The following DHX35 variants were observed in gnomAD, a reference collection of about 807,000 sequenced individuals.
DHX35 encodes the protein probable ATP-dependent RNA helicase DHX35.
DHX35 carries 84 observed loss-of-function variants against 99.6 expected under a neutral mutation model. The ratio of observed to expected loss-of-function variants is 0.84; its 90% CI spans 0.71 to 1.01. The LOEUF (loss-of-function observed/expected upper bound fraction) is 1.01, where lower values mean the gene tolerates loss of function less well. Among genes scored for constraint, DHX35 ranks in the 50% least tolerant of loss-of-function variants. The pLI is 0.00. For missense variants in DHX35, 852 were observed against 888.5 expected, an observed-to-expected ratio of 0.96 and a Z score of 0.52; for synonymous variants, 331 against 316.2, an observed-to-expected ratio of 1.05 and a Z score of -0.50.
rs533867812 is a variant in DHX35, at chr20:39,010,187, G to C, written c.1223-93G>C. 83 of 1,572,690 alleles carry C rather than the reference G, an allele frequency of 5.3e-5. No homozygotes were observed. The South Asian group carries it at 8.9e-4, about 17-fold the overall frequency. On this transcript the variant is annotated intron_variant, in intron 12 of 21. Transcript: ENST00000252011. ...TGCTTCTAGAATCCTAGAGACCCTTGTTCAAGATAGAGAAGAAAATTTGTC... is the reference window on the plus strand; with the variant it reads ...TGCTTCTAGAATCCTAGAGACCCTTCTTCAAGATAGAGAAGAAAATTTGTC...
chr20:39,011,377 C>T (rs1163083068), intron 13 of DHX35, among the ~76,000 whole-genome samples: 1 of 151,948 alleles, frequency 6.6e-6, no homozygotes, highest in East Asian at 1.9e-4. Flanking sequence ...ACTCTGTAGC[C>T]CAGGCTGGAG....
At chr20:39,012,121 G>C (rs1339362738) in intron 13 of DHX35, among the ~76,000 whole-genome samples, 1 of 152,082 alleles carries the variant, frequency 6.6e-6, no homozygotes, top group African/African-American at 2.4e-5. Flanking sequence ...GGTGGCATGC[G>C]CCTGTAGTCC....
chr20:39,030,403 AAAGAGCACCTGC>A, intron 19 of DHX35: 1 of 344,750 alleles, frequency 2.9e-6, no homozygotes, highest in Non-Finnish European at 5.3e-6. Context: ...AATTGTTTTG[AAAGAGCACCTGC>A]AGAAGATACA....
At chr20:38,987,969 G>A (rs1167357387) in intron 4 of DHX35, among the ~76,000 whole-genome samples, 2 of 152,076 alleles carry the variant, frequency 1.3e-5, no homozygotes, top group African/African-American at 4.8e-5. Flanking sequence ...AATGAAACTG[G>A]CCCAGCTTTG....
At chr20:38,976,837 T>C (rs950383565) in intron 3 of DHX35, among the ~76,000 whole-genome samples, 4 of 152,198 alleles carry the variant, frequency 2.6e-5, no homozygotes, top group African/African-American at 9.7e-5. Flanking sequence ...ATTCCACATG[T>C]GAGTGAGCTC....
At chr20:39,012,733 G>A (rs1169441887) in intron 13 of DHX35, among the ~76,000 whole-genome samples, 1 of 152,190 alleles carries the variant, frequency 6.6e-6, no homozygotes, top group East Asian at 1.9e-4. Flanking sequence ...GTTTTGCCAT[G>A]TTGGCCAGGA....
Position 38,987,405 on chromosome 20 carries a change from A to G in DHX35, c.346-1408A>G, listed in dbSNP as rs370060230. On this transcript the variant is annotated intron_variant, in intron 4 of 21. Transcript: ENST00000252011. ...TTACAGGCGCATGCCACCATGCCCA[A>G]CTAACTTTTTGTATTTTTAGTAGAG... Among the ~76,000 whole-genome samples the G allele has an allele frequency of 1.1e-4, 16 of 152,100 alleles. No homozygotes were observed. The East Asian group carries it at 2.1e-3, about 20-fold the overall frequency.
chr20:39,014,709 A>G (rs2086755008), intron 13 of DHX35, among the ~76,000 whole-genome samples, 171 bp from the exon 14 acceptor site: 1 of 152,210 alleles, frequency 6.6e-6, no homozygotes, highest in Non-Finnish European at 1.5e-5. Context: ...AAGGGTGCCT[A>G]GAAGGACAGG....
chr20:39,020,089 G>A (rs1047868206), intron 15 of DHX35, among the ~76,000 whole-genome samples: 4 of 152,148 alleles, frequency 2.6e-5, no homozygotes, highest in African/African-American at 7.2e-5. Flanking sequence ...AAGGCTGCAT[G>A]TTATTTCATT....
intron 21 of DHX35, 23 bp downstream of exon 21, chr20:39,034,340 C>T: frequency 6.4e-7 from 1 of 1,565,786 alleles, no homozygotes; most frequent in Non-Finnish European, 8.8e-7. Context: ...TGAGTCTGTG[C>T]CCCAGCCACC....
intron 3 of DHX35, among the ~76,000 whole-genome samples, chr20:38,982,468 A>C (rs1318604565): frequency 6.6e-6 from 1 of 152,148 alleles, no homozygotes; most frequent in East Asian, 1.9e-4. Flanking sequence ...GTTAGTGTTT[A>C]TATTTCCTTT....
chr20:38,964,122 TTGAA>T (rs2085875629), intron 1 of DHX35, among the ~76,000 whole-genome samples: 1 of 152,144 alleles, frequency 6.6e-6, no homozygotes, highest in Admixed American at 6.5e-5. Flanking sequence ...GGAGGGAAAG[TTGAA>T]TGTATGGATA....
At chr20:39,021,319 C>T (rs1016249565) in intron 15 of DHX35, among the ~76,000 whole-genome samples, 1 of 152,086 alleles carries the variant, frequency 6.6e-6, no homozygotes, top group Non-Finnish European at 1.5e-5. Context: ...AGCTGACCTG[C>T]CCTTAGTGAT....
In DHX35 at chr20:39,038,774, G is replaced by A. The variant is rs1013094880; in HGVS notation, c.*231G>A. On this transcript the variant is annotated 3_prime_UTR_variant, in exon 22 of 22. Transcript: ENST00000252011. ...GGCAGGCATCCTTCTGTGCTGCAGC[G>A]GGCAGAGTGGGAGTTGGCTCACTCA... The A allele has an allele frequency of 8.7e-6, 5 of 574,004 alleles. No individual in the cohort carries two copies. Among genetic ancestry groups the A allele is most frequent in the Non-Finnish European group, 1.2e-5 (4 of 321,286 alleles). 35.6% of individuals were successfully genotyped at this position (574,004 alleles called of 1,614,324 possible). A position where few individuals can be genotyped will look rare whatever the true frequency, so the allele number is the denominator to read the frequency against.
intron 12 of DHX35, among the ~76,000 whole-genome samples, chr20:39,009,596 C>T (rs2086668180): frequency 6.8e-6 from 1 of 147,688 alleles, no homozygotes. Context: ...TTAATCTCTT[C>T]CTCTTTTTTC....
intron 1 of DHX35, among the ~76,000 whole-genome samples, chr20:38,965,839 C>T (rs377132608): frequency 2.6e-4 from 39 of 152,118 alleles, no homozygotes; most frequent in Non-Finnish European, 4.1e-4. Context: ...CACGTGGATC[C>T]GAAGGGCCTG....
chr20:39,031,824 G>A (rs540438201), intron 20 of DHX35, among the ~76,000 whole-genome samples: 109 of 152,312 alleles, frequency 7.2e-4, no homozygotes, highest in African/African-American at 2.6e-3. Flanking sequence ...GAAAGGACCC[G>A]GAGGGTATTC....
rs771424263 is a variant in DHX35 at position 39,028,472 on chromosome 20, C to T, written c.1856C>T (p.Ala619Val). ...GTCTCCGGCTTCTTCGCCAATGCAG[C>T]GAGGTTTCATTCTACTGGAGCTTAT... ...CIVSGFFANAARFHSTGAYRT... is the reference protein window; with the variant it reads ...CIVSGFFANAVRFHSTGAYRT... Residue 619 changes from alanine (A) to valine (V), a missense_variant, in exon 19 of 22, where the codon GCG becomes GTG. Physicochemically the swap from Ala to Val is moderately conservative, Grantham distance 64 (BLOSUM62 0). Transcript: ENST00000252011. 7.4e-6 allele frequency: 12 copies of T among 1,614,056 alleles called. No individual in the cohort carries two copies. Among genetic ancestry groups the T allele is most frequent in the Middle Eastern group, 1.6e-4 (1 of 6,084 alleles).
chr20:38,997,144 C>T (rs2086443472), intron 8 of DHX35, among the ~76,000 whole-genome samples: 1 of 151,938 alleles, frequency 6.6e-6, no homozygotes, highest in African/African-American at 2.4e-5. Context: ...GATCTCAGCT[C>T]ACTGCAACCT....
Sources: allele counts gnomAD v4.1 joint callset (sites outside exome capture counted in the v4.1 genomes callset), GRCh38; gene constraint gnomAD v4.1.1; transcripts MANE v1.5; gene names NCBI Gene and HGNC (gene_info 2026-07-23, HGNC 2026-07-21).